SPAG1: variants seen among roughly 807,000 people sequenced by gnomAD.
The protein encoded by SPAG1 is sperm associated antigen 1.
A neutral mutation model predicts 100.5 loss-of-function variants in SPAG1; 69 were observed. The observed-to-expected ratio is 0.69, with a 90% CI of 0.57 to 0.84. SPAG1 has a LOEUF of 0.84. SPAG1 is among the 40% of genes least tolerant of loss of function. The pLI is 0.00. For synonymous variants in SPAG1, 336 were observed against 411.6 expected (o/e 0.82, Z 2.22); for missense variants, 955 against 1,133.1 (o/e 0.84, Z 2.26).
chr8:100,205,279 A>C (rs753667674), intron 10 of SPAG1, among the ~76,000 whole-genome samples: 124 of 152,228 alleles, frequency 8.1e-4, no homozygotes, highest in Non-Finnish European at 1.4e-3. Flanking sequence ...CCCCAAGGAG[A>C]CCTCTGGCCT....
intron 3 of SPAG1, among the ~76,000 whole-genome samples, chr8:100,174,863 T>G (rs1816034188): frequency 6.6e-6 from 1 of 152,216 alleles, no homozygotes; most frequent in African/African-American, 2.4e-5. Flanking sequence ...TTTTGGCATA[T>G]TCATAATCTC....
chr8:100,212,951 TCCGCCCGC>T (rs1817779543), intron 10 of SPAG1, 131 bp from the exon 11 acceptor site: 1 of 628,298 alleles, frequency 1.6e-6, no homozygotes, highest in African/African-American at 2.0e-5. Flanking sequence ...CAGCACAGGC[TCCGCCCGC>T]AGGGGCGGTG....
At chr8:100,213,687 C>T (rs575461198) in intron 11 of SPAG1, 132 bp from the exon 12 acceptor site, 19 of 611,608 alleles carry the variant, frequency 3.1e-5, no homozygotes, top group African/African-American at 2.3e-4. Flanking sequence ...GTAGCAGCTC[C>T]GTGGAGTTCT....
At chr8:100,216,931 C>CTTTTTTTTTTTTT (rs141365826) in intron 12 of SPAG1, among the ~76,000 whole-genome samples, 4 of 84,152 alleles carry the variant, frequency 4.8e-5, no homozygotes, top group Admixed American at 1.6e-4. Flanking sequence ...TCCATGAGTT[C>CTTTTTTTTTTTTT]TTTTTTTTTT....
At position 100,162,360 on chromosome 8, in the gene SPAG1, T is replaced by G; in HGVS notation, c.80T>G (p.Phe27Cys). ...AAAATTCCCATTGAACATCTAGATT[T>G]CAAATACATTGAAAAATGTTCAGAT... ...TFKIPIEHLD[F>C]KYIEKCSDVK... The change falls in exon 2 of 19, where the codon TTC (phenylalanine) becomes TGC (cysteine). Residue 27 changes from phenylalanine to cysteine, a missense_variant. Coordinates refer to ENST00000388798, the MANE Select transcript of SPAG1 (RefSeq NM_003114.5). The G allele has an allele frequency of 6.2e-7, 1 of 1,601,454 alleles. No homozygotes were observed. The highest frequency in any genetic ancestry group is 8.5e-7 in the Non-Finnish European group (1 of 1,175,356).
intron 12 of SPAG1, 114 bp from the exon 13 acceptor site, chr8:100,220,165 A>G: frequency 1.2e-6 from 1 of 812,720 alleles, no homozygotes; most frequent in Non-Finnish European, 1.9e-6. Context: ...CCCAAGACGA[A>G]GTCTCGGATG....
At chr8:100,180,722 C>A (rs1816331216) in intron 4 of SPAG1, among the ~76,000 whole-genome samples, 1 of 152,178 alleles carries the variant, frequency 6.6e-6, no homozygotes, top group Admixed American at 6.5e-5. Flanking sequence ...TTTCTCCAGT[C>A]AGATAAGCAA....
chr8:100,229,975 A>C (rs933339092), intron 14 of SPAG1, among the ~76,000 whole-genome samples: 7 of 152,178 alleles, frequency 4.6e-5, no homozygotes, highest in African/African-American at 1.2e-4. Context: ...AAGATGGAAA[A>C]ATAGCTCCTC....
At chr8:100,216,814 C>G (rs1818008828) in intron 12 of SPAG1, among the ~76,000 whole-genome samples, 1 of 151,956 alleles carries the variant, frequency 6.6e-6, no homozygotes, top group African/African-American at 2.4e-5. Context: ...CTTTTCAGCT[C>G]AAGTGACTAT....
At chr8:100,205,750 T>G (rs1469439455) in intron 10 of SPAG1, among the ~76,000 whole-genome samples, 1 of 151,862 alleles carries the variant, frequency 6.6e-6, no homozygotes, top group African/African-American at 2.4e-5. Flanking sequence ...GGCATGGTGG[T>G]TCATGCCTGT....
chr8:100,220,580 G>A (rs887447158), intron 13 of SPAG1, 149 bp downstream of exon 13: 1 of 659,616 alleles, frequency 1.5e-6, no homozygotes, highest in Non-Finnish European at 2.5e-6. Context: ...TACATCAAAT[G>A]GTTCTCTCCC....
intron 1 of SPAG1, among the ~76,000 whole-genome samples, chr8:100,162,024 T>C (rs1445871925): frequency 1.3e-5 from 2 of 152,252 alleles, no homozygotes; most frequent in East Asian, 3.9e-4. Flanking sequence ...CAACCCTCAG[T>C]TTGGTCCAGG....
intron 13 of SPAG1, among the ~76,000 whole-genome samples, chr8:100,221,218 T>C (rs561859648): frequency 1.3e-3 from 203 of 152,350 alleles, no homozygotes; most frequent in Non-Finnish European, 2.5e-3. Flanking sequence ...AGTGGAAACA[T>C]ATCTCTTGTT....
chr8:100,178,685 G>T (rs989882336), intron 4 of SPAG1, among the ~76,000 whole-genome samples: 7 of 152,088 alleles, frequency 4.6e-5, no homozygotes, highest in Admixed American at 1.3e-4. Flanking sequence ...TCATCACTCT[G>T]CTCTCTGATA....
chr8:100,198,946 T>C (rs1326785142), intron 10 of SPAG1, among the ~76,000 whole-genome samples: 1 of 152,268 alleles, frequency 6.6e-6, no homozygotes, highest in Non-Finnish European at 1.5e-5. Flanking sequence ...GCATCTTGCA[T>C]TAGTACTTCA....
chr8:100,241,078 G>A lies in SPAG1; in HGVS notation c.*56G>A. 1.3e-6 allele frequency: 2 copies of A among 1,571,866 alleles called. No individual in the cohort carries two copies. The highest frequency in any genetic ancestry group is 1.7e-6 in the Non-Finnish European group (2 of 1,155,046). On this transcript the variant is annotated 3_prime_UTR_variant, in exon 19 of 19. Transcript: ENST00000388798. The surrounding 1 kb of genome is among the most constrained non-coding windows in gnomAD (Gnocchi z 5.1). ...ATGTATGTGTTCCAGGAATGTTAAT[G>A]AGATGGTATTGTAAAAGAGTTGCAT...
chr8:100,224,402 C>T (rs1049604804), intron 13 of SPAG1, among the ~76,000 whole-genome samples: 10 of 152,004 alleles, frequency 6.6e-5, no homozygotes, highest in Non-Finnish European at 8.8e-5. Flanking sequence ...ATTAGCTGGG[C>T]GTGGTGGCGC....
intron 7 of SPAG1, 60 bp downstream of exon 7, chr8:100,184,793 G>A (rs1816518114): frequency 9.6e-6 from 9 of 942,386 alleles, no homozygotes; most frequent in Non-Finnish European, 1.5e-5. Context: ...TGTTTTAATT[G>A]TTGAAACAAT....
intron 12 of SPAG1, among the ~76,000 whole-genome samples, chr8:100,215,586 G>A (rs555922772): frequency 2.6e-5 from 4 of 152,186 alleles, no homozygotes; most frequent in South Asian, 4.1e-4. Context: ...TTGCCCAGGC[G>A]CCATCTCGGC....
Sources: gnomAD v4.1 joint callset for allele counts (sites outside exome capture counted in the v4.1 genomes callset) on GRCh38, gnomAD v4.1.1 for gene constraint, Gnocchi (gnomAD v3.1) non-coding constraint, MANE v1.5 for transcripts, NCBI Gene and HGNC (gene_info 2026-07-23, HGNC 2026-07-21) for gene names.